VCF1: variants seen among roughly 807,000 people sequenced by gnomAD.
The protein encoded by VCF1 is VCP nuclear cofactor family member 1.
the VCF1 span, among the ~76,000 whole-genome samples, chr17:73,213,175 C>T: frequency 6.6e-6 from 1 of 150,708 alleles, no homozygotes; most frequent in East Asian, 2.0e-4. Context: ...ACCCAGGAGG[C>T]GGAGGTTGCA....
the VCF1 span, chr17:73,212,757 G>A: frequency 6.4e-7 from 1 of 1,564,000 alleles, no homozygotes; most frequent in Non-Finnish European, 8.7e-7. Flanking sequence ...ATCAAGGCAA[G>A]AACTACAATC....
At chr17:73,210,571 C>T in the VCF1 span, among the ~76,000 whole-genome samples, 4 of 151,090 alleles carry the variant, frequency 2.6e-5, no homozygotes, top group Non-Finnish European at 4.4e-5. Flanking sequence ...GAGGGTGACA[C>T]GAAGGACCCA....
chr17:73,218,230 C>T, the VCF1 span, among the ~76,000 whole-genome samples: 27 of 152,152 alleles, frequency 1.8e-4, no homozygotes, highest in Non-Finnish European at 3.7e-4. Context: ...TTTGTGCTTC[C>T]AAAGTGTCCA....
the VCF1 span, chr17:73,209,385 C>G: frequency 9.1e-7 from 1 of 1,094,714 alleles, no homozygotes; most frequent in South Asian, 1.6e-5. Context: ...AAACAACTGC[C>G]TGTTAACCTG....
the VCF1 span, among the ~76,000 whole-genome samples, chr17:73,214,819 G>GAC: frequency 6.6e-6 from 1 of 152,192 alleles, no homozygotes; most frequent in Admixed American, 6.5e-5. Context: ...TACCAAAAGA[G>GAC]AAACAAGGGT....
chr17:73,229,306 G>A, the VCF1 span: 2 of 985,236 alleles, frequency 2.0e-6, no homozygotes, highest in Admixed American at 1.2e-4. Context: ...TTTCAACAAT[G>A]GTGTTAACAA....
At chr17:73,210,445 C>G in the VCF1 span, among the ~76,000 whole-genome samples, 1 of 150,444 alleles carries the variant, frequency 6.6e-6, no homozygotes, top group Non-Finnish European at 1.5e-5. Flanking sequence ...CTTGGAGAGG[C>G]TACTCGGAGA....
At chr17:73,232,325 C>G in the VCF1 span, 1 of 1,554,060 alleles carries the variant, frequency 6.4e-7, no homozygotes, top group East Asian at 2.3e-5. Flanking sequence ...CGCCGTGGTA[C>G]CGCCCTCTCG....
the VCF1 span, chr17:73,232,196 CCCTCGGG>C: frequency 6.2e-7 from 1 of 1,610,432 alleles, no homozygotes; most frequent in Non-Finnish European, 8.5e-7. Flanking sequence ...CACGCCCACC[CCCTCGGG>C]CCTTGGCTCT....
chr17:73,207,935 A>T, the VCF1 span: 311 of 210,878 alleles, frequency 1.5e-3, no homozygotes, highest in African/African-American at 5.2e-3. Flanking sequence ...ATGGTAGTTT[A>T]AAAAAAAAAA....
At chr17:73,214,611 T>A in the VCF1 span, among the ~76,000 whole-genome samples, 1 of 152,208 alleles carries the variant, frequency 6.6e-6, no homozygotes, top group Non-Finnish European at 1.5e-5. Context: ...AAGTAAAACA[T>A]TTTTGTCTCC....
the VCF1 span, among the ~76,000 whole-genome samples, chr17:73,224,875 GACAGCACAGC>G: frequency 1.3e-4 from 6 of 45,142 alleles, no homozygotes; most frequent in South Asian, 1.2e-3. Flanking sequence ...CACAGGACAG[GACAGCACAGC>G]ACAGGACAGG....
At chr17:73,207,569 T>C in the VCF1 span, 1 of 720,048 alleles carries the variant, frequency 1.4e-6, no homozygotes, top group Admixed American at 2.4e-5. Context: ...ACTATCATTG[T>C]ACTTGTTTGG....
chr17:73,210,061 A>G, the VCF1 span, among the ~76,000 whole-genome samples: 49 of 152,140 alleles, frequency 3.2e-4, no homozygotes, highest in Non-Finnish European at 5.6e-4. Context: ...CCTTTCAACT[A>G]TATCCTAATT....
chr17:73,220,949 A>C, the VCF1 span, among the ~76,000 whole-genome samples: 1 of 119,100 alleles, frequency 8.4e-6, no homozygotes, highest in East Asian at 2.5e-4. Context: ...CCCAGTCTGG[A>C]GTGCAGTGGT....
chr17:73,230,978 T>C, the VCF1 span, among the ~76,000 whole-genome samples: 4 of 152,194 alleles, frequency 2.6e-5, no homozygotes, highest in African/African-American at 4.8e-5. Context: ...GAAAGAATAA[T>C]ATGGCAGTCG....
At chr17:73,209,415 A>G in the VCF1 span, 65 of 1,319,814 alleles carry the variant, frequency 4.9e-5, 1 homozygote, top group South Asian at 8.5e-4. Context: ...ATATAGACTG[A>G]AAAGCCAACA....
At chr17:73,209,025 T>C in the VCF1 span, 1 of 203,706 alleles carries the variant, frequency 4.9e-6, no homozygotes, top group African/African-American at 2.4e-5. Flanking sequence ...AACATCTACA[T>C]ACTGAGAGGT....
the VCF1 span, chr17:73,208,196 G>C: frequency 6.3e-7 from 1 of 1,580,764 alleles, no homozygotes; most frequent in Non-Finnish European, 8.6e-7. Context: ...TAGAGCCATC[G>C]TGCTTCTCAG....
Sources: allele counts gnomAD v4.1 joint callset (sites outside exome capture counted in the v4.1 genomes callset), GRCh38; gene constraint gnomAD v4.1.1; transcripts MANE v1.5; gene names NCBI Gene and HGNC (gene_info 2026-07-23, HGNC 2026-07-21).